ARHGAP20: variants seen among roughly 807,000 people sequenced by gnomAD.
The protein encoded by ARHGAP20 is rho GTPase-activating protein 20.
Under a neutral mutation model 73.7 loss-of-function variants are expected in ARHGAP20, and 34 were observed. That is an observed-to-expected ratio of 0.46 (90% CI 0.35 to 0.61). The LOEUF is 0.61. Among genes scored for constraint, ARHGAP20 ranks in the 20% least tolerant of loss-of-function variants. The probability of loss-of-function intolerance (pLI) is 0.00; values close to 1 mark genes in which losing one functional copy is unlikely to be tolerated. For synonymous variants in ARHGAP20, 523 were observed against 518.2 expected (o/e 1.01, Z -0.13); for missense variants, 1,314 against 1,420.9 (o/e 0.92, Z 1.21).
At chr11:110,660,659 G>A (rs1010464969) in intron 2 of ARHGAP20, among the ~76,000 whole-genome samples, 1 of 152,064 alleles carries the variant, frequency 6.6e-6, no homozygotes, top group African/African-American at 2.4e-5. Context: ...TGACCTCTCC[G>A]CAAAGTCATT....
chr11:110,675,180 T>A (rs1949906545), intron 2 of ARHGAP20, among the ~76,000 whole-genome samples: 1 of 152,212 alleles, frequency 6.6e-6, no homozygotes, highest in Admixed American at 6.5e-5. Context: ...AATCAGTTAT[T>A]TGATAGAGCC....
At chr11:110,650,265 A>T (rs1949320659) in intron 2 of ARHGAP20, among the ~76,000 whole-genome samples, 1 of 152,196 alleles carries the variant, frequency 6.6e-6, no homozygotes, top group African/African-American at 2.4e-5. Context: ...CCCTGTTCCT[A>T]GAACTGTGCC....
chr11:110,664,722 C>T (rs1456817819), intron 2 of ARHGAP20, among the ~76,000 whole-genome samples: 47 of 118,934 alleles, frequency 4.0e-4, no homozygotes, highest in Middle Eastern at 4.9e-3. Flanking sequence ...AGTGAGACTC[C>T]GTCTCAAAAA....
At chr11:110,700,607 A>G (rs1950426340) in intron 1 of ARHGAP20, among the ~76,000 whole-genome samples, 1 of 151,002 alleles carries the variant, frequency 6.6e-6, no homozygotes. Context: ...TTATTATTAT[A>G]CTTTAAGTTT....
Position 110,619,635 on chromosome 11 carries a change from T to C in ARHGAP20, c.504-4041A>G, listed in dbSNP as rs544619683. ...ATAGAGTGTATGCAGTGATAGAGTA[T>C]ATGCAGTGATAGAGTATATGTAGTG... On this transcript the variant is annotated intron_variant, in intron 4 of 14. Transcript: ENST00000683387. Among the ~76,000 whole-genome samples, 5 of 152,046 alleles carry C rather than the reference T, an allele frequency of 3.3e-5. No individual in the cohort carries two copies. In the East Asian group the frequency reaches 7.8e-4, roughly 24 times the overall value.
intron 3 of ARHGAP20, among the ~76,000 whole-genome samples, chr11:110,628,341 G>A (rs1948789590): frequency 6.6e-6 from 1 of 152,158 alleles, no homozygotes; most frequent in Admixed American, 6.5e-5. Flanking sequence ...AAATGACTCA[G>A]AAGACATAGG....
intron 1 of ARHGAP20, among the ~76,000 whole-genome samples, chr11:110,700,853 T>C (rs1950434765): frequency 6.6e-6 from 1 of 151,168 alleles, no homozygotes; most frequent in East Asian, 2.0e-4. Context: ...GGTTTTTTGT[T>C]CTTGCAACAG....
chr11:110,707,206 C>CTT (rs1423458686), intron 1 of ARHGAP20, among the ~76,000 whole-genome samples: 1 of 152,060 alleles, frequency 6.6e-6, no homozygotes, highest in Non-Finnish European at 1.5e-5. Flanking sequence ...AACACTCATC[C>CTT]TATTTAAAGA....
intron 1 of ARHGAP20, among the ~76,000 whole-genome samples, chr11:110,707,554 T>G (rs563582955): frequency 1.3e-5 from 2 of 152,132 alleles, no homozygotes; most frequent in Non-Finnish European, 2.9e-5. Flanking sequence ...TAAAAGTGAG[T>G]GATCTAGCTA....
intron 2 of ARHGAP20, among the ~76,000 whole-genome samples, chr11:110,645,088 C>A (rs1043803634): frequency 1.3e-5 from 2 of 151,992 alleles, no homozygotes; most frequent in East Asian, 1.9e-4. Context: ...TGGCTCACTG[C>A]AACCTCTGCC....
chr11:110,676,670 T>G (rs1315520024), intron 2 of ARHGAP20, among the ~76,000 whole-genome samples: 1 of 152,190 alleles, frequency 6.6e-6, no homozygotes, highest in Admixed American at 6.5e-5. Flanking sequence ...TCTCTGAATA[T>G]AAACCAAAAT....
At chr11:110,698,508 T>C (rs888101378) in intron 1 of ARHGAP20, among the ~76,000 whole-genome samples, 7 of 151,838 alleles carry the variant, frequency 4.6e-5, no homozygotes, top group African/African-American at 1.7e-4. Flanking sequence ...CAGTTCTTTG[T>C]ATGTTTGATA....
chr11:110,670,342 AG>A (rs1333957027), intron 2 of ARHGAP20, among the ~76,000 whole-genome samples: 1 of 152,030 alleles, frequency 6.6e-6, no homozygotes, highest in Non-Finnish European at 1.5e-5. Context: ...AGACAGATCT[AG>A]GGGGAAAAAA....
At chr11:110,694,107 T>C (rs748869510) in intron 1 of ARHGAP20, among the ~76,000 whole-genome samples, 16 of 151,894 alleles carry the variant, frequency 1.1e-4, no homozygotes, top group Non-Finnish European at 2.2e-4. Flanking sequence ...ATCACTTACC[T>C]AGTGTTAAGT....
rs185672182 is a variant in ARHGAP20 at position 110,596,800 on chromosome 11, C to G, written c.965-4645G>C. 2.4e-3 allele frequency among the ~76,000 whole-genome samples: 359 copies of G among 152,188 alleles called. 2 individuals carry two copies. Among genetic ancestry groups the G allele is most frequent in the Admixed American group, 5.3e-3 (81 of 15,300 alleles). ...GTAATCCCGTTACTGGGTATATACC[C>G]AAAGGATTATAAATCATGCTGCTAT... On this transcript the variant is annotated intron_variant, in intron 9 of 14. Coordinates refer to ENST00000683387, the MANE Select transcript of ARHGAP20 (RefSeq NM_001384657.1).
intron 2 of ARHGAP20, among the ~76,000 whole-genome samples, chr11:110,676,566 C>G (rs1047157289): frequency 1.1e-4 from 17 of 152,132 alleles, no homozygotes; most frequent in African/African-American, 3.9e-4. Flanking sequence ...CTCACCAGTT[C>G]CCTCCCATGA....
chr11:110,711,868 G>A (rs1248686895), intron 1 of ARHGAP20: 2 of 1,315,038 alleles, frequency 1.5e-6, no homozygotes, highest in African/African-American at 3.1e-5. Flanking sequence ...GATGGAGACG[G>A]GAGGGAGGCT....
At chr11:110,687,035 C>CATATATATATAT (rs142490183) in intron 2 of ARHGAP20, among the ~76,000 whole-genome samples, 1,477 of 121,872 alleles carry the variant, frequency 0.012, 46 homozygotes, top group African/African-American at 0.036. Context: ...AAGATTAAAA[C>CATATATATATAT]ATATATATAT....
At chr11:110,685,213 A>G (rs1381608278) in intron 2 of ARHGAP20, among the ~76,000 whole-genome samples, 1 of 152,204 alleles carries the variant, frequency 6.6e-6, no homozygotes, top group Non-Finnish European at 1.5e-5. Flanking sequence ...TTTAACAAAT[A>G]ACATATTTCA....
Sources: gnomAD v4.1 joint callset for allele counts (sites outside exome capture counted in the v4.1 genomes callset) on GRCh38, gnomAD v4.1.1 for gene constraint, MANE v1.5 for transcripts, NCBI Gene and HGNC (gene_info 2026-07-23, HGNC 2026-07-21) for gene names.